The following CYB5R4 variants were observed in gnomAD, a reference collection of about 807,000 sequenced individuals.
CYB5R4 encodes the protein cytochrome b5 reductase 4.
Under a neutral mutation model 70.2 loss-of-function variants are expected in CYB5R4, and 55 were observed. The ratio of observed to expected loss-of-function variants is 0.78; its 90% CI spans 0.63 to 0.98. CYB5R4 has a LOEUF of 0.98. CYB5R4 is among the 50% of genes least tolerant of loss of function. CYB5R4 has a pLI of 0.00. For missense variants in CYB5R4, 562 were observed against 612.6 expected, an observed-to-expected ratio of 0.92 and a Z score of 0.87; for synonymous variants, 197 against 199.5, an observed-to-expected ratio of 0.99 and a Z score of 0.11.
rs1474488066 is a variant in CYB5R4, at chr6:83,963,572, G to A, written c.*3694G>A. Reference sequence around the variant, plus strand: ...CTTTCAACATTGGTTTTATTTTGAAGTCATTTTCACCCAGCATTGCAAGTT... The same window carrying A: ...CTTTCAACATTGGTTTTATTTTGAAATCATTTTCACCCAGCATTGCAAGTT... On this transcript the variant is annotated 3_prime_UTR_variant, in exon 16 of 16. Transcript: ENST00000369681. 6.6e-6 allele frequency: 1 copy of A among 152,180 alleles called. No individual in the cohort carries two copies. The highest frequency in any genetic ancestry group is 1.5e-5 in the Non-Finnish European group (1 of 68,020). 9.4% of individuals were successfully genotyped at this position (152,180 alleles called of 1,614,324 possible).
chr6:83,901,390 A>C (rs2099462929), intron 3 of CYB5R4, among the ~76,000 whole-genome samples: 2 of 152,104 alleles, frequency 1.3e-5, no homozygotes, highest in Non-Finnish European at 2.9e-5. Context: ...GCTGCCCTTA[A>C]CATTTTTTCC....
At chr6:83,920,180 A>G (rs1216819795) in intron 7 of CYB5R4, among the ~76,000 whole-genome samples, 1 of 152,180 alleles carries the variant, frequency 6.6e-6, no homozygotes, top group Non-Finnish European at 1.5e-5. Context: ...GCAACTGTTG[A>G]GGTTCCCACA....
intron 11 of CYB5R4, 24 bp from the exon 12 acceptor site, chr6:83,936,200 T>C (rs1214941583): frequency 5.3e-6 from 8 of 1,513,278 alleles, no homozygotes. Flanking sequence ...AATTTAATTA[T>C]TTTGCTGTGA....
At chr6:83,898,876 G>T (rs999773935) in intron 3 of CYB5R4, among the ~76,000 whole-genome samples, 1 of 152,030 alleles carries the variant, frequency 6.6e-6, no homozygotes, top group African/African-American at 2.4e-5. Context: ...TGAGATGATG[G>T]GGTATTCTAA....
chr6:83,873,438 A>G (rs1251107706), intron 2 of CYB5R4, among the ~76,000 whole-genome samples: 2 of 151,638 alleles, frequency 1.3e-5, no homozygotes, highest in African/African-American at 2.4e-5. Flanking sequence ...ATGGGGTTTC[A>G]CCATCTTGGC....
At chr6:83,879,085 A>G (rs1412381466) in intron 2 of CYB5R4, among the ~76,000 whole-genome samples, 1 of 152,014 alleles carries the variant, frequency 6.6e-6, no homozygotes, top group Non-Finnish European at 1.5e-5. Flanking sequence ...CCTCAGTCTT[A>G]GACAGGTTTT....
intron 2 of CYB5R4, among the ~76,000 whole-genome samples, chr6:83,884,485 T>C (rs1430394847): frequency 6.6e-6 from 1 of 152,252 alleles, no homozygotes; most frequent in Non-Finnish European, 1.5e-5. Flanking sequence ...GAAAACTGTT[T>C]ATGCCTGTGA....
At chr6:83,902,589 G>C (rs1172273782) in intron 3 of CYB5R4, among the ~76,000 whole-genome samples, 6 of 152,160 alleles carry the variant, frequency 3.9e-5, no homozygotes, top group Middle Eastern at 3.4e-3. Flanking sequence ...GGATTGCATT[G>C]ATTCTGCATA....
intron 12 of CYB5R4, among the ~76,000 whole-genome samples, chr6:83,937,297 A>G (rs970966487): frequency 1.1e-4 from 17 of 152,046 alleles, no homozygotes; most frequent in African/African-American, 4.1e-4. Flanking sequence ...TAAAAAATAA[A>G]AATAAATAAA....
Position 83,959,989 on chromosome 6 carries a change from C to T in CYB5R4, c.*111C>T, listed in dbSNP as rs1189913930. On this transcript the variant is annotated 3_prime_UTR_variant, in exon 16 of 16. Coordinates refer to ENST00000369681, the MANE Select transcript of CYB5R4 (RefSeq NM_016230.4). ...AACAAAAGGTTAACTAGAATCCAGC[C>T]TTCAGTTTCTTAAATGAAATCAAAT... is the stretch of plus-strand genomic sequence containing the variant. 4.0e-6 allele frequency: 3 copies of T among 758,208 alleles called. No homozygotes were observed. In the African/African-American group the frequency reaches 5.5e-5, roughly 14 times the overall value. The allele number at this position is 758,208 out of a possible 1,614,324, so 47.0% of individuals were successfully genotyped here.
At chr6:83,911,232 C>T (rs773470052) in intron 4 of CYB5R4, among the ~76,000 whole-genome samples, 1 of 151,758 alleles carries the variant, frequency 6.6e-6, no homozygotes, top group Non-Finnish European at 1.5e-5. Flanking sequence ...TAGTGAAACT[C>T]TGTCTCTACA....
intron 14 of CYB5R4, among the ~76,000 whole-genome samples, chr6:83,954,889 GT>G (rs961522765): frequency 2.0e-5 from 3 of 149,668 alleles, no homozygotes; most frequent in African/African-American, 7.3e-5. Flanking sequence ...AGTTTAAACA[GT>G]TTTTTTTGTT....
chr6:83,867,196 T>C (rs1298234986), intron 2 of CYB5R4, among the ~76,000 whole-genome samples: 1 of 152,116 alleles, frequency 6.6e-6, no homozygotes, highest in Non-Finnish European at 1.5e-5. Flanking sequence ...TCAGGGATGC[T>C]TTTGTGGTAG....
intron 13 of CYB5R4, 133 bp downstream of exon 13, chr6:83,940,339 C>T: frequency 1.8e-6 from 2 of 1,096,052 alleles, no homozygotes; most frequent in East Asian, 5.3e-5. Context: ...TACTTTGCCT[C>T]CTCTAATCCT....
At position 83,950,062 on chromosome 6, in the gene CYB5R4, C is replaced by G. The variant is rs145930910; in HGVS notation, c.1347-5236C>G. Among the ~76,000 whole-genome samples the G allele has an allele frequency of 5.8e-3, 881 of 152,240 alleles. 6 individuals carry two copies. Among genetic ancestry groups the G allele is most frequent in the African/African-American group, 0.02 (849 of 41,554 alleles). Reference sequence around the variant, plus strand: ...TTCTCATGCAGCCCAAGGAATGAATCTCTTCATTTTCCCTAATTACTGCCC... The same window carrying G: ...TTCTCATGCAGCCCAAGGAATGAATGTCTTCATTTTCCCTAATTACTGCCC... On this transcript the variant is annotated intron_variant, in intron 14 of 15. Transcript: ENST00000369681.
intron 14 of CYB5R4, among the ~76,000 whole-genome samples, chr6:83,951,979 C>T (rs61756916): frequency 0.011 from 1,727 of 152,140 alleles, 33 homozygotes; most frequent in African/African-American, 0.039. Flanking sequence ...ACAATGAAAA[C>T]ACTTAGCAGA....
intron 5 of CYB5R4, among the ~76,000 whole-genome samples, chr6:83,915,872 C>T (rs1013702501): frequency 2.0e-5 from 3 of 152,158 alleles, no homozygotes; most frequent in African/African-American, 7.2e-5. Context: ...CTTTCCTATT[C>T]CACTAGAGAC....
Position 83,919,445 on chromosome 6 carries a change from T to C in CYB5R4, c.555T>C (p.Thr185=), listed in dbSNP as rs199625498. Residue 185 remains threonine (T), a synonymous_variant, in exon 7 of 16, where the codon ACT becomes ACC. Transcript: ENST00000369681. ...TDSLVTIAIY[T]KQKDINLDSI... ...CTTTAGTCACCATTGCCATATATAC[T>C]AAACAGAAGGTAAATATGTCTTTAA... The C allele has an allele frequency of 1.1e-4, 164 of 1,487,050 alleles. 2 individuals carry two copies. In the South Asian group the frequency reaches 2.0e-3, roughly 18 times the overall value. 92.1% of individuals were successfully genotyped at this position (1,487,050 alleles called of 1,614,324 possible).
At chr6:83,905,670 G>T (rs906432161) in intron 3 of CYB5R4, among the ~76,000 whole-genome samples, 2 of 152,048 alleles carry the variant, frequency 1.3e-5, no homozygotes, top group Admixed American at 1.3e-4. Context: ...TGGCACCAGG[G>T]TTCATCAAGG....
Sources: gnomAD v4.1 joint callset for allele counts (sites outside exome capture counted in the v4.1 genomes callset) on GRCh38, gnomAD v4.1.1 for gene constraint, MANE v1.5 for transcripts, NCBI Gene and HGNC (gene_info 2026-07-23, HGNC 2026-07-21) for gene names.